Variants in POFUT1 observed in about 807,000 individuals in gnomAD.
POFUT1 encodes protein O-fucosyltransferase 1, also known as GDP-fucose protein O-fucosyltransferase 1.
A neutral mutation model predicts 42.4 loss-of-function variants in POFUT1; 16 were observed. That is an observed-to-expected ratio of 0.38 (90% CI 0.26 to 0.57). The LOEUF (loss-of-function observed/expected upper bound fraction) is 0.57, where lower values mean the gene tolerates loss of function less well. Ranked by LOEUF, POFUT1 falls within the 20% of genes least tolerant of loss-of-function variation. The pLI, the probability that POFUT1 is intolerant of heterozygous loss-of-function variation, is 0.71. For synonymous variants in POFUT1, 206 were observed against 205.4 expected (o/e 1.00, Z -0.03); for missense variants, 470 against 504.6 (o/e 0.93, Z 0.66).
chr20:32,208,648 C>CAAAAA (rs67714814), intron 1 of POFUT1, among the ~76,000 whole-genome samples: 1 of 93,644 alleles, frequency 1.1e-5, no homozygotes, highest in African/African-American at 4.5e-5. Context: ...AATCCAATCT[C>CAAAAA]AAAAAAAAAA....
intron 5 of POFUT1, among the ~76,000 whole-genome samples, chr20:32,230,231 C>A (rs1008416002): frequency 2.0e-5 from 3 of 151,636 alleles, no homozygotes; most frequent in Admixed American, 2.0e-4. Flanking sequence ...ACTAAAAATA[C>A]AAAAAATTAG....
At position 32,234,770 on chromosome 20, in the gene POFUT1, C is replaced by T. The variant is rs2047461380; in HGVS notation, c.*109C>T. ...TGCTCCGGGATTGCAAACTCCTCTT[C>T]TCACCTGCCAAAGATGGAGAAGAGT... On this transcript the variant is annotated 3_prime_UTR_variant, in exon 7 of 7. Coordinates refer to ENST00000375749, the MANE Select transcript of POFUT1 (RefSeq NM_015352.2). 1.1e-6 allele frequency: 1 copy of T among 942,566 alleles called. No homozygotes were observed. The highest frequency in any genetic ancestry group is 1.7e-5 in the African/African-American group (1 of 60,546). The allele number at this position is 942,566 out of a possible 1,614,324, so 58.4% of individuals were successfully genotyped here.
chr20:32,220,170 A>T (rs2047384027), intron 4 of POFUT1, among the ~76,000 whole-genome samples: 1 of 152,236 alleles, frequency 6.6e-6, no homozygotes, highest in Non-Finnish European at 1.5e-5. Flanking sequence ...GCTGAATAAT[A>T]GTTCATCGTA....
At chr20:32,233,635 G>A (rs1220827066) in intron 6 of POFUT1, among the ~76,000 whole-genome samples, 1 of 152,204 alleles carries the variant, frequency 6.6e-6, no homozygotes, top group Admixed American at 6.5e-5. Flanking sequence ...GGGAGAGGCT[G>A]TTGCAGTCCA....
At chr20:32,223,500 G>C in intron 4 of POFUT1, 1 of 985,372 alleles carries the variant, frequency 1.0e-6, no homozygotes, top group Non-Finnish European at 1.2e-6. Context: ...GAGGTCGGGG[G>C]GTGGCAGGGG....
At position 32,237,967 on chromosome 20, in the gene POFUT1, T is replaced by G. The variant is rs2047480903; in HGVS notation, c.*3306T>G. On this transcript the variant is annotated 3_prime_UTR_variant, in exon 7 of 7. Transcript: ENST00000375749. The stretch of plus-strand genomic sequence containing the variant: ...TTTACATAGTTTTAATCATGTAATA[T>G]ATACAATTTAATGTCCTAGTGTTTT... 1 of 386,496 alleles carries G rather than the reference T, an allele frequency of 2.6e-6. No individual in the cohort carries two copies. The highest frequency in any genetic ancestry group is 3.0e-5 in the Admixed American group (1 of 32,860). The allele number at this position is 386,496 out of a possible 1,614,324, so 23.9% of individuals were successfully genotyped here. A position where few individuals can be genotyped will look rare whatever the true frequency, so the allele number is the denominator to read the frequency against.
At position 32,236,618 on chromosome 20, in the gene POFUT1, C is replaced by T. The variant is rs997496446; in HGVS notation, c.*1957C>T. The stretch of plus-strand genomic sequence containing the variant: ...TTTTCCTCTGACCCAATTTTCTTAC[C>T]TATAAAATGGTGATAAAAACCGACA... On this transcript the variant is annotated 3_prime_UTR_variant, in exon 7 of 7. Coordinates refer to ENST00000375749, the MANE Select transcript of POFUT1 (RefSeq NM_015352.2). The T allele has an allele frequency of 2.0e-5, 3 of 152,140 alleles. No individual in the cohort carries two copies. The highest frequency in any genetic ancestry group is 4.8e-5 in the African/African-American group (2 of 41,424). The allele number at this position is 152,140 out of a possible 1,614,324, so 9.4% of individuals were successfully genotyped here.
Position 32,237,856 on chromosome 20 carries a change from A to G in POFUT1, c.*3195A>G. 1.9e-6 allele frequency: 1 copy of G among 534,256 alleles called. No homozygotes were observed. The highest frequency in any genetic ancestry group is 3.8e-6 in the Non-Finnish European group (1 of 259,976). The allele number at this position is 534,256 out of a possible 1,614,324, so 33.1% of individuals were successfully genotyped here. A position where few individuals can be genotyped will look rare whatever the true frequency, so the allele number is the denominator to read the frequency against. ...CCAGTGCCCTCCTCTCCCAAGAGAC[A>G]AAGGCCATTGCATTGAAGGAGGTGG... On this transcript the variant is annotated 3_prime_UTR_variant, in exon 7 of 7. Coordinates refer to ENST00000375749, the MANE Select transcript of POFUT1 (RefSeq NM_015352.2).
chr20:32,209,914 AC>A (rs1251672449), intron 1 of POFUT1, among the ~76,000 whole-genome samples, 156 bp from the exon 2 acceptor site: 1 of 152,100 alleles, frequency 6.6e-6, no homozygotes, highest in Non-Finnish European at 1.5e-5. Context: ...TGGATATCAG[AC>A]CCAAGAGTCC....
intron 3 of POFUT1, 118 bp from the exon 4 acceptor site, chr20:32,216,491 T>G: frequency 2.5e-5 from 17 of 668,020 alleles, no homozygotes; most frequent in Middle Eastern, 3.1e-4. Context: ...GGCCATCCTG[T>G]GAGAGTGTTT....
chr20:32,219,387 G>A (rs1297004362), intron 4 of POFUT1, among the ~76,000 whole-genome samples: 2 of 152,174 alleles, frequency 1.3e-5, no homozygotes, highest in African/African-American at 2.4e-5. Context: ...GAATAAGCTT[G>A]GTATGGTGAA....
intron 6 of POFUT1, among the ~76,000 whole-genome samples, chr20:32,234,051 G>A (rs867627021): frequency 6.6e-6 from 1 of 152,290 alleles, no homozygotes; most frequent in Middle Eastern, 3.4e-3. Flanking sequence ...ACGTGTGGTG[G>A]TGCACACTTG....
At chr20:32,211,620 T>TGCTTGCCTCTGTCTC (rs1164114578) in intron 2 of POFUT1, among the ~76,000 whole-genome samples, 1 of 152,204 alleles carries the variant, frequency 6.6e-6, no homozygotes, top group Non-Finnish European at 1.5e-5. Context: ...CCCTCTGGCT[T>TGCTTGCCTCTGTCTC]GCTTGCCTCT....
At position 32,235,883 on chromosome 20, in the gene POFUT1, C is replaced by T. The variant is rs1212464115; in HGVS notation, c.*1222C>T. 1 of 152,242 alleles carries T rather than the reference C, an allele frequency of 6.6e-6. No homozygotes were observed. Among genetic ancestry groups the T allele is most frequent in the East Asian group, 1.9e-4 (1 of 5,194 alleles). The allele number at this position is 152,242 out of a possible 1,614,324, so 9.4% of individuals were successfully genotyped here. On this transcript the variant is annotated 3_prime_UTR_variant, in exon 7 of 7. Transcript: ENST00000375749. ...TTTGATCCTGGAAAGGTGGCAGAGC[C>T]TCCACTGAGCCAGGCCCAGAGCTCC... is the stretch of plus-strand genomic sequence containing the variant.
In POFUT1 at chr20:32,230,915, C is replaced by A; in HGVS notation, c.832C>A (p.Leu278Ile). The A allele has an allele frequency of 6.2e-7, 1 of 1,614,224 alleles. No homozygotes were observed. Among genetic ancestry groups the A allele is most frequent in the South Asian group, 1.1e-5 (1 of 91,086 alleles). The change falls in exon 6 of 7, where the codon CTC becomes ATC. Residue 278 changes from leucine (L) to isoleucine (I), a missense_variant. By Grantham distance (5) the Leu-to-Ile change is conservative. Transcript: ENST00000375749. ...CTACAGCCGCAGCACAGCGGCCCCC[C>A]TCACGATGACTATGTGCCTGCCTGA... ...VGYSRSTAAP[L>I]TMTMCLPDLK...
At position 32,236,410 on chromosome 20, in the gene POFUT1, T is replaced by C. The variant is rs1376753405; in HGVS notation, c.*1749T>C. 2 of 152,282 alleles carry C rather than the reference T, an allele frequency of 1.3e-5. No individual in the cohort carries two copies. The highest frequency in any genetic ancestry group is 2.9e-5 in the Non-Finnish European group (2 of 68,096). 9.4% of individuals were successfully genotyped at this position (152,282 alleles called of 1,614,324 possible). On this transcript the variant is annotated 3_prime_UTR_variant, in exon 7 of 7. Coordinates refer to ENST00000375749, the MANE Select transcript of POFUT1 (RefSeq NM_015352.2). ...TGGAGTGCAGTGGCATGATCATGGC[T>C]TACTGCAGCCTTGATCTCCCAGGCT...
intron 4 of POFUT1, among the ~76,000 whole-genome samples, chr20:32,220,180 ATGT>A (rs2047384238): frequency 1.3e-5 from 2 of 152,200 alleles, no homozygotes; most frequent in Non-Finnish European, 2.9e-5. Flanking sequence ...AGTTCATCGT[ATGT>A]ATATACCACA....
At position 32,216,646 on chromosome 20, in the gene POFUT1, A is replaced by G. The variant is rs147101027; in HGVS notation, c.467A>G (p.His156Arg). ...TTTGGCCCATTCTGGGATCAGTTTC[A>G]TGTGAGTTTCAACAAGTCGGAGCTT... ...NPFGPFWDQFHVSFNKSELFT... is the reference protein window; with the variant it reads ...NPFGPFWDQFRVSFNKSELFT... The change falls in exon 4 of 7, where the codon CAT becomes CGT. Residue 156 changes from histidine (H) to arginine (R), a missense_variant. His to Arg is a conservative substitution (Grantham distance 29, BLOSUM62 0). Coordinates refer to ENST00000375749, the MANE Select transcript of POFUT1 (RefSeq NM_015352.2). 1.2e-6 allele frequency: 2 copies of G among 1,613,844 alleles called. No individual in the cohort carries two copies. The highest frequency in any genetic ancestry group is 1.7e-6 in the Non-Finnish European group (2 of 1,179,708).
intron 2 of POFUT1, 57 bp from the exon 3 acceptor site, chr20:32,215,212 G>A (rs2047352465): frequency 1.4e-6 from 2 of 1,402,050 alleles, no homozygotes; most frequent in African/African-American, 1.4e-5. Flanking sequence ...TTTAATAAAT[G>A]TCTAAAGTAG....
Sources: gnomAD v4.1 joint callset for allele counts (sites outside exome capture counted in the v4.1 genomes callset) on GRCh38, gnomAD v4.1.1 for gene constraint, MANE v1.5 for transcripts, NCBI Gene and HGNC (gene_info 2026-07-23, HGNC 2026-07-21) for gene names.